Variants in TEX35 observed in about 807,000 individuals in gnomAD.
TEX35 encodes testis expressed 35, also known as testis-expressed protein 35.
TEX35 carries 26 observed loss-of-function variants against 31.9 expected under a neutral mutation model. The observed-to-expected ratio is 0.81, with a 90% CI of 0.60 to 1.13. The LOEUF is 1.13. TEX35 is among the 50% of genes most tolerant of loss of function. The pLI, the probability that TEX35 is intolerant of heterozygous loss-of-function variation, is 0.00. For synonymous variants in TEX35, 87 were observed against 90.7 expected (o/e 0.96, Z 0.23); for missense variants, 278 against 273.5 (o/e 1.02, Z -0.12).
rs1294955709 is a variant in TEX35, at chr1:178,513,129, C to G, written c.-60C>G. On this transcript the variant is annotated 5_prime_UTR_variant, in exon 1 of 9. Coordinates refer to ENST00000319416, the MANE Select transcript of TEX35 (RefSeq NM_032126.5). ...ACCTTGACCTGTAAGTTGCCTAGGA[C>G]AGTGGCCTGGTCCCAGGGGCTGTTG... The G allele has an allele frequency of 5.7e-6, 9 of 1,582,066 alleles. No homozygotes were observed. Among genetic ancestry groups the G allele is most frequent in the East Asian group, 2.2e-5 (1 of 44,708 alleles).
chr1:178,521,907 T>C (rs1005425521), intron 8 of TEX35: 2 of 1,312,510 alleles, frequency 1.5e-6, no homozygotes, highest in South Asian at 1.6e-5. Flanking sequence ...ACTCCAACCC[T>C]TCCCCCTGCT....
At chr1:178,513,349 C>A in intron 1 of TEX35, 122 bp downstream of exon 1, 1 of 1,313,872 alleles carries the variant, frequency 7.6e-7, no homozygotes, top group Non-Finnish European at 1.1e-6. Flanking sequence ...TTTCTCTGTA[C>A]TGAGCATAAA....
At chr1:178,521,660 T>C (rs936272961) in intron 8 of TEX35, 2 of 1,552,068 alleles carry the variant, frequency 1.3e-6, no homozygotes, top group Non-Finnish European at 1.7e-6. Flanking sequence ...CGAATATGTG[T>C]TTCCAACCTA....
chr1:178,521,646 A>G (rs1341061349), intron 8 of TEX35: 5 of 1,552,152 alleles, frequency 3.2e-6, no homozygotes, highest in Non-Finnish European at 4.4e-6. Context: ...AACCCCGGTG[A>G]CATCGAATAT....
At chr1:178,514,255 C>T (rs762733122) in intron 2 of TEX35, 178 bp downstream of exon 2, 28 of 1,516,182 alleles carry the variant, frequency 1.8e-5, no homozygotes, top group Non-Finnish European at 2.0e-5. Flanking sequence ...GATACATAAA[C>T]GAACAAGGAC....
chr1:178,520,559 C>T (rs1348663963), intron 6 of TEX35, 114 bp from the exon 7 acceptor site: 3 of 1,598,278 alleles, frequency 1.9e-6, no homozygotes, highest in Non-Finnish European at 2.6e-6. Context: ...GCTCCTACTG[C>T]CCCTGTGACT....
rs951330872 is a variant in TEX35 at position 178,521,976 on chromosome 1, C to A, written c.587-349C>A. The A allele has an allele frequency of 4.5e-6, 4 of 879,426 alleles. No individual in the cohort carries two copies. In the African/African-American group the frequency reaches 5.1e-5, roughly 11 times the overall value. The allele number at this position is 879,426 out of a possible 1,614,324, so 54.5% of individuals were successfully genotyped here. On this transcript the variant is annotated intron_variant, in intron 8 of 8. Coordinates refer to ENST00000319416, the MANE Select transcript of TEX35 (RefSeq NM_032126.5). ...CATCTTAGGGTCCTCCCAACCACCA[C>A]CTCCCTCCATTCCACCTGGGTCTGC...
intron 8 of TEX35, chr1:178,521,616 T>G (rs982509978): frequency 6.4e-7 from 1 of 1,552,062 alleles, no homozygotes; most frequent in African/African-American, 1.4e-5. Context: ...TGGAGCTGCC[T>G]TCTGATTTAT....
At position 178,515,930 on chromosome 1, in the gene TEX35, C is replaced by A. The variant is rs750663361; in HGVS notation, c.216+15C>A. The A allele has an allele frequency of 2.1e-5, 33 of 1,598,178 alleles. No homozygotes were observed. Among genetic ancestry groups the A allele is most frequent in the Non-Finnish European group, 2.7e-5 (32 of 1,166,344 alleles). Reference sequence around the variant, plus strand: ...AGATAAAACAGGTAAGAAGATGAGGCCTTCCATATCATGGAGGGAAAGTGT... The same window carrying A: ...AGATAAAACAGGTAAGAAGATGAGGACTTCCATATCATGGAGGGAAAGTGT... On this transcript the variant is annotated intron_variant, in intron 4 of 8. Transcript: ENST00000319416.
intron 3 of TEX35, among the ~76,000 whole-genome samples, chr1:178,515,550 G>A (rs1430317493): frequency 1.1e-4 from 17 of 151,940 alleles, no homozygotes; most frequent in Admixed American, 1.1e-3. Context: ...CTATCTTATA[G>A]TCTTTTTAAA....
intron 7 of TEX35, 29 bp from the exon 8 acceptor site, chr1:178,521,193 C>T: frequency 6.2e-7 from 1 of 1,614,196 alleles, no homozygotes; most frequent in Non-Finnish European, 8.5e-7. Flanking sequence ...GGAAATTGAT[C>T]TTTCTTGTGC....
chr1:178,520,345 A>G (rs1255266478), intron 5 of TEX35, 27 bp from the exon 6 acceptor site: 1 of 1,605,882 alleles, frequency 6.2e-7, no homozygotes, highest in East Asian at 2.2e-5. Context: ...CAAAATGAAG[A>G]TGCTAGTTCT....
At chr1:178,515,981 A>T (rs556581442) in intron 4 of TEX35, 66 bp downstream of exon 4, 1 of 1,248,032 alleles carries the variant, frequency 8.0e-7, no homozygotes, top group Non-Finnish European at 1.2e-6. Flanking sequence ...GCAATCCTTA[A>T]GTTTGAATAG....
chr1:178,520,367 C>G lies in TEX35; in HGVS notation c.277-5C>G. 1 of 1,612,742 alleles carries G rather than the reference C, an allele frequency of 6.2e-7. No individual in the cohort carries two copies. The highest frequency in any genetic ancestry group is 8.5e-7 in the Non-Finnish European group (1 of 1,179,510). ...AAGATGCTAGTTCTGAATTCTCTCTCGAAGGAAATGCAGAAAGATATGGAT... is the reference window on the plus strand; with the variant it reads ...AAGATGCTAGTTCTGAATTCTCTCTGGAAGGAAATGCAGAAAGATATGGAT... On this transcript the variant is annotated splice_polypyrimidine_tract_variant and splice_region_variant and intron_variant, in intron 5 of 8. Coordinates refer to ENST00000319416, the MANE Select transcript of TEX35 (RefSeq NM_032126.5).
chr1:178,521,897 A>G, intron 8 of TEX35: 4 of 1,377,630 alleles, frequency 2.9e-6, no homozygotes, highest in Non-Finnish European at 3.8e-6. Flanking sequence ...TGTATTTCAG[A>G]CTCCAACCCT....
At chr1:178,521,860 G>A in intron 8 of TEX35, 1 of 1,486,476 alleles carries the variant, frequency 6.7e-7, no homozygotes, top group Non-Finnish European at 8.9e-7. Flanking sequence ...AGTGTGTGGA[G>A]GTTGATTATT....
chr1:178,521,856 T>C (rs1650298139), intron 8 of TEX35: 1 of 1,490,566 alleles, frequency 6.7e-7, no homozygotes, highest in African/African-American at 1.4e-5. Flanking sequence ...CTTGAGTGTG[T>C]GGAGGTTGAT....
rs79207261 is a variant in TEX35, at chr1:178,515,716, G to A, written c.160-143G>A. 2,199 of 674,288 alleles carry A rather than the reference G, an allele frequency of 3.3e-3. 42 individuals carry two copies. The African/African-American group carries it at 0.036, about 11-fold the overall frequency. The allele number at this position is 674,288 out of a possible 1,614,324, so 41.8% of individuals were successfully genotyped here. A position where few individuals can be genotyped will look rare whatever the true frequency, so the allele number is the denominator to read the frequency against. On this transcript the variant is annotated intron_variant, in intron 3 of 8. Transcript: ENST00000319416. ...GCCAGTGCACCTGGTCTATCCTATT[G>A]TCTCAACAACATCTTTTCTTTCCTC...
chr1:178,517,739 CAT>C (rs1193040810), intron 5 of TEX35, among the ~76,000 whole-genome samples: 1 of 152,146 alleles, frequency 6.6e-6, no homozygotes, highest in African/African-American at 2.4e-5. Context: ...ATATTAGAAA[CAT>C]TGCTTGACTA....
Sources: allele counts gnomAD v4.1 joint callset (sites outside exome capture counted in the v4.1 genomes callset), GRCh38; gene constraint gnomAD v4.1.1; transcripts MANE v1.5; gene names NCBI Gene and HGNC (gene_info 2026-07-23, HGNC 2026-07-21).